The following FGF10 variants were observed in gnomAD, a reference collection of about 807,000 sequenced individuals.
FGF10 encodes the protein FGF-10.
In FGF10, 2 loss-of-function variants were observed where a neutral mutation model predicts 19.8. That is an observed-to-expected ratio of 0.10 (90% CI 0.04 to 0.32). FGF10 has a LOEUF of 0.32. Among genes scored for constraint, FGF10 ranks in the 10% least tolerant of loss-of-function variants. The pLI, the probability that FGF10 is intolerant of heterozygous loss-of-function variation, is 1.00. For synonymous variants in FGF10, 112 were observed against 94.0 expected (o/e 1.19, Z -1.10); for missense variants, 191 against 246.3 (o/e 0.78, Z 1.50).
At chr5:44,348,356 C>T (rs982066902) in intron 1 of FGF10, among the ~76,000 whole-genome samples, 4 of 151,636 alleles carry the variant, frequency 2.6e-5, no homozygotes, top group Non-Finnish European at 5.9e-5. Context: ...GCCATACTTC[C>T]TTGCCATAGT....
In FGF10 at chr5:44,304,530, C is replaced by T; in HGVS notation, c.*465G>A. 5.5e-6 allele frequency: 1 copy of T among 182,446 alleles called. No individual in the cohort carries two copies. Among genetic ancestry groups the T allele is most frequent in the Admixed American group, 5.4e-5 (1 of 18,382 alleles). 11.3% of individuals were successfully genotyped at this position (182,446 alleles called of 1,614,324 possible). A position where few individuals can be genotyped will look rare whatever the true frequency, so the allele number is the denominator to read the frequency against. ...CCTTTGGTTGTGCATATGATATGAC[C>T]CAAGTGCTTTCCAGTAAATGCTTGC... is the stretch of plus-strand genomic sequence containing the variant. On this transcript the variant is annotated 3_prime_UTR_variant, in exon 3 of 3. Coordinates refer to ENST00000264664, the MANE Select transcript of FGF10 (RefSeq NM_004465.2).
At chr5:44,331,687 G>T (rs1411331513) in intron 1 of FGF10, among the ~76,000 whole-genome samples, 2 of 152,022 alleles carry the variant, frequency 1.3e-5, no homozygotes, top group Admixed American at 6.6e-5. Flanking sequence ...ATCACCTTTT[G>T]TGTCTCTGAG....
intron 1 of FGF10, among the ~76,000 whole-genome samples, chr5:44,365,227 G>T (rs569358489): frequency 2.6e-5 from 4 of 151,646 alleles, no homozygotes; most frequent in African/African-American, 9.7e-5. Context: ...AACAGGCTTT[G>T]GTAGGTTGTC....
intron 1 of FGF10, among the ~76,000 whole-genome samples, chr5:44,358,883 A>C (rs1363754229): frequency 6.6e-6 from 1 of 151,620 alleles, no homozygotes; most frequent in Non-Finnish European, 1.5e-5. Context: ...CATCTACTTT[A>C]GAAGCCAAGA....
chr5:44,320,609 A>G (rs1263546127), intron 1 of FGF10, among the ~76,000 whole-genome samples: 1 of 152,226 alleles, frequency 6.6e-6, no homozygotes, highest in African/African-American at 2.4e-5. Context: ...ATAATATGTG[A>G]TGACTGGCTA....
intron 1 of FGF10, among the ~76,000 whole-genome samples, chr5:44,384,656 T>C (rs1561222383): frequency 2.6e-5 from 4 of 152,134 alleles, no homozygotes; most frequent in Non-Finnish European, 4.4e-5. Context: ...TTGAATGACC[T>C]TGGACAATTT....
At chr5:44,352,175 A>T (rs1271276311) in intron 1 of FGF10, among the ~76,000 whole-genome samples, 1 of 151,606 alleles carries the variant, frequency 6.6e-6, no homozygotes, top group Non-Finnish European at 1.5e-5. Flanking sequence ...ACTGATAAAG[A>T]TAACGCCATG....
intron 1 of FGF10, among the ~76,000 whole-genome samples, chr5:44,362,122 T>C (rs1413465581): frequency 6.6e-6 from 1 of 151,680 alleles, no homozygotes; most frequent in Non-Finnish European, 1.5e-5. Context: ...AGACCTAGCT[T>C]GGCATCATGG....
rs1396883216 is a variant in FGF10 at position 44,304,781 on chromosome 5, C to CTAT, written c.*211_*213dup. The CTAT allele has an allele frequency of 1.8e-6, 1 of 569,486 alleles. No individual in the cohort carries two copies. The highest frequency in any genetic ancestry group is 3.0e-5 in the Admixed American group (1 of 33,466). 35.3% of individuals were successfully genotyped at this position (569,486 alleles called of 1,614,324 possible). ...ATAACTTCTATCCCATTCGATCTGC[C>CTAT]TATATCTTGATTATAAGACATGACA... is the stretch of plus-strand genomic sequence containing the variant. On this transcript the variant is annotated 3_prime_UTR_variant, in exon 3 of 3. Transcript: ENST00000264664.
At chr5:44,337,774 T>C (rs1740886228) in intron 1 of FGF10, among the ~76,000 whole-genome samples, 1 of 152,094 alleles carries the variant, frequency 6.6e-6, no homozygotes, top group Non-Finnish European at 1.5e-5. Context: ...AACCCGTCTC[T>C]ACTAAAAATA....
intron 1 of FGF10, among the ~76,000 whole-genome samples, chr5:44,328,527 G>A (rs1740663216): frequency 6.6e-6 from 1 of 152,194 alleles, no homozygotes; most frequent in African/African-American, 2.4e-5. Flanking sequence ...GGAAGCCAAT[G>A]CAGGAGGATT....
chr5:44,328,280 A>T (rs1740657456), intron 1 of FGF10, among the ~76,000 whole-genome samples: 1 of 152,176 alleles, frequency 6.6e-6, no homozygotes, highest in Admixed American at 6.5e-5. Context: ...ATGGTGACAC[A>T]AATTCTTTAG....
At chr5:44,332,640 C>T (rs1028441544) in intron 1 of FGF10, among the ~76,000 whole-genome samples, 2 of 152,156 alleles carry the variant, frequency 1.3e-5, no homozygotes, top group African/African-American at 2.4e-5. Context: ...AAGCTATACA[C>T]ATCACCTGGG....
rs533020687 is a variant in FGF10 at position 44,300,747 on chromosome 5, C to T, written c.*4248G>A. Reference sequence around the variant, plus strand: ...TTGGTGTACTCTTCTTCACTAGTTGCGGTTGTGTGGGCTGCCAAAATCTTC... The same window carrying T: ...TTGGTGTACTCTTCTTCACTAGTTGTGGTTGTGTGGGCTGCCAAAATCTTC... On this transcript the variant is annotated 3_prime_UTR_variant, in exon 3 of 3. Coordinates refer to ENST00000264664, the MANE Select transcript of FGF10 (RefSeq NM_004465.2). Among the ~76,000 whole-genome samples, 20 of 151,802 alleles carry T rather than the reference C, an allele frequency of 1.3e-4. No homozygotes were observed. Among genetic ancestry groups the T allele is most frequent in the African/African-American group, 2.7e-4 (11 of 41,430 alleles).
chr5:44,372,990 T>C (rs960075579), intron 1 of FGF10, among the ~76,000 whole-genome samples: 5 of 152,216 alleles, frequency 3.3e-5, no homozygotes, highest in African/African-American at 1.2e-4. Context: ...AAAGCTATCA[T>C]GTGTTTGCAG....
Position 44,321,632 on chromosome 5 carries a change from G to T in FGF10, c.326-11102C>A, listed in dbSNP as rs536244522. Among the ~76,000 whole-genome samples the T allele has an allele frequency of 8.5e-5, 13 of 152,280 alleles. No homozygotes were observed. The South Asian group carries it at 2.5e-3, about 29-fold the overall frequency. ...GTCATCTACAGAGAAATGCTGGCTA[G>T]CCAAAAAATGTCACTTGAACTTAAC... On this transcript the variant is annotated intron_variant, in intron 1 of 2. Transcript: ENST00000264664.
chr5:44,323,796 T>A (rs1163200519), intron 1 of FGF10, among the ~76,000 whole-genome samples: 1 of 152,144 alleles, frequency 6.6e-6, no homozygotes, highest in African/African-American at 2.4e-5. Context: ...AATGCTTACA[T>A]TGTTTTAAAG....
intron 1 of FGF10, among the ~76,000 whole-genome samples, chr5:44,365,608 G>A (rs1188653581): frequency 1.3e-5 from 2 of 151,784 alleles, no homozygotes; most frequent in Admixed American, 6.6e-5. Context: ...ATGACTCTAC[G>A]CTTTGATTAA....
intron 1 of FGF10, among the ~76,000 whole-genome samples, chr5:44,384,277 G>A (rs1742050999): frequency 6.6e-6 from 1 of 152,046 alleles, no homozygotes; most frequent in Admixed American, 6.5e-5. Flanking sequence ...CTGTTAACAT[G>A]AGTGAGATTG....
Sources: allele counts gnomAD v4.1 joint callset (sites outside exome capture counted in the v4.1 genomes callset), GRCh38; gene constraint gnomAD v4.1.1; transcripts MANE v1.5; gene names NCBI Gene and HGNC (gene_info 2026-07-23, HGNC 2026-07-21).